ASB3: variants seen among roughly 807,000 people sequenced by gnomAD.
ASB3 encodes ankyrin repeat and SOCS box protein 3.
In ASB3, 41 loss-of-function variants were observed where a neutral mutation model predicts 54.5. The observed-to-expected ratio is 0.75, with a 90% CI of 0.59 to 0.98. The LOEUF is 0.98. Among genes scored for constraint, ASB3 ranks in the 50% least tolerant of loss-of-function variants. ASB3 has a pLI of 0.00. For synonymous variants in ASB3, 266 were observed against 221.2 expected (o/e 1.20, Z -1.80); for missense variants, 733 against 620.0 (o/e 1.18, Z -1.94).
At chr2:53,715,269 T>A (rs1186695688) in intron 6 of ASB3, among the ~76,000 whole-genome samples, 1 of 152,170 alleles carries the variant, frequency 6.6e-6, no homozygotes, top group African/African-American at 2.4e-5. Flanking sequence ...AAAAAAGGAC[T>A]ATTCTACCCT....
chr2:53,714,975 A>T (rs1302863397), intron 6 of ASB3, among the ~76,000 whole-genome samples: 1 of 152,158 alleles, frequency 6.6e-6, no homozygotes, highest in African/African-American at 2.4e-5. Flanking sequence ...GCATCAAGAA[A>T]ATGCACTATT....
At chr2:53,778,518 T>C (rs1387497810) in intron 1 of ASB3, among the ~76,000 whole-genome samples, 2 of 152,304 alleles carry the variant, frequency 1.3e-5, no homozygotes, top group Non-Finnish European at 2.9e-5. Context: ...TTCCTCCCCT[T>C]TGACTATCAT....
chr2:53,785,136 T>C (rs1411424764), intron 1 of ASB3, among the ~76,000 whole-genome samples: 1 of 152,252 alleles, frequency 6.6e-6, no homozygotes, highest in East Asian at 1.9e-4. Context: ...CAAGTCACAA[T>C]TCAAATGTCA....
chr2:53,710,273 T>C (rs1438767120), intron 7 of ASB3, among the ~76,000 whole-genome samples: 1 of 152,246 alleles, frequency 6.6e-6, no homozygotes, highest in Non-Finnish European at 1.5e-5. Context: ...TAATTTACTC[T>C]TTCCTATATC....
At chr2:53,673,270 A>G (rs1000782175) in intron 9 of ASB3, among the ~76,000 whole-genome samples, 5 of 152,186 alleles carry the variant, frequency 3.3e-5, no homozygotes, top group Non-Finnish European at 2.9e-5. Flanking sequence ...AATACTTACT[A>G]CACAACCAGA....
At chr2:53,681,017 A>G (rs2103664039) in intron 9 of ASB3, among the ~76,000 whole-genome samples, 1 of 152,272 alleles carries the variant, frequency 6.6e-6, no homozygotes, top group African/African-American at 2.4e-5. Flanking sequence ...TTTACTTACT[A>G]TAATGACCTC....
chr2:53,680,021 G>C (rs1437989789), intron 9 of ASB3, among the ~76,000 whole-genome samples: 1 of 152,106 alleles, frequency 6.6e-6, no homozygotes, highest in East Asian at 1.9e-4. Flanking sequence ...GCATTAGTTT[G>C]CTAAGGATAA....
chr2:53,750,771 T>C lies in ASB3; in HGVS notation c.355+12A>G, dbSNP rs370386828. The C allele has an allele frequency of 2.0e-5, 30 of 1,520,078 alleles. No individual in the cohort carries two copies. In the African/African-American group the frequency reaches 3.5e-4, roughly 18 times the overall value. 94.2% of individuals were successfully genotyped at this position (1,520,078 alleles called of 1,614,324 possible). ...TGAAAAATTGCATCTGCACCACAAA[T>C]AGCATACTTACCTAAAAACAATGGT... On this transcript the variant is annotated intron_variant, in intron 3 of 9. Transcript: ENST00000263634.
chr2:53,704,046 G>T (rs989222856), intron 7 of ASB3, among the ~76,000 whole-genome samples: 3 of 152,122 alleles, frequency 2.0e-5, no homozygotes, highest in African/African-American at 4.8e-5. Flanking sequence ...AGTGATATAG[G>T]AAATTCGTGT....
chr2:53,694,544 C>A (rs1012338456), intron 8 of ASB3: 3 of 152,090 alleles, frequency 2.0e-5, no homozygotes, highest in Non-Finnish European at 4.4e-5. Flanking sequence ...AACGATGTAA[C>A]AGAATAAGAC....
chr2:53,744,811 A>G (rs1170340092), intron 3 of ASB3, among the ~76,000 whole-genome samples: 1 of 152,258 alleles, frequency 6.6e-6, no homozygotes. Flanking sequence ...ATATGTCAGC[A>G]GAGTCAAAGT....
At chr2:53,701,544 A>G (rs1669495666) in intron 7 of ASB3, among the ~76,000 whole-genome samples, 1 of 152,236 alleles carries the variant, frequency 6.6e-6, no homozygotes, top group Admixed American at 6.5e-5. Flanking sequence ...TTTTAGAGCC[A>G]GATCTATGTT....
chr2:53,670,806 A>G, intron 9 of ASB3, 116 bp from the exon 10 acceptor site: 1 of 1,204,258 alleles, frequency 8.3e-7, no homozygotes, highest in Non-Finnish European at 1.1e-6. Context: ...TATTGCTTGA[A>G]AGAAGACTAC....
At chr2:53,732,043 C>T (rs1265845683) in intron 3 of ASB3, among the ~76,000 whole-genome samples, 2 of 152,026 alleles carry the variant, frequency 1.3e-5, no homozygotes, top group African/African-American at 4.8e-5. Context: ...CTGCAACCTC[C>T]CTGTCCTGGG....
intron 9 of ASB3, among the ~76,000 whole-genome samples, chr2:53,679,462 G>A (rs1198492741): frequency 2.6e-5 from 4 of 151,466 alleles, no homozygotes; most frequent in South Asian, 2.1e-4. Context: ...ATTTATCTCT[G>A]TCCAGCCCAT....
At chr2:53,760,414 C>T (rs557957284) in intron 2 of ASB3, among the ~76,000 whole-genome samples, 40 of 152,182 alleles carry the variant, frequency 2.6e-4, no homozygotes, top group African/African-American at 8.0e-4. Flanking sequence ...AGAAGGGAAC[C>T]GCCAAGCAGA....
chr2:53,670,744 G>T, intron 9 of ASB3, 54 bp from the exon 10 acceptor site: 1 of 1,541,088 alleles, frequency 6.5e-7, no homozygotes, highest in Non-Finnish European at 8.7e-7. Flanking sequence ...AGATGTAATA[G>T]CACATAAAGG....
At chr2:53,700,893 A>G (rs1669455087) in intron 7 of ASB3, among the ~76,000 whole-genome samples, 1 of 152,242 alleles carries the variant, frequency 6.6e-6, no homozygotes, top group Admixed American at 6.5e-5. Context: ...AACGTGATCA[A>G]TCCTTAAAAC....
chr2:53,725,683 C>A (rs139736052), intron 5 of ASB3, among the ~76,000 whole-genome samples: 42 of 152,158 alleles, frequency 2.8e-4, no homozygotes, highest in African/African-American at 9.4e-4. Flanking sequence ...ATCATCAAGA[C>A]GGAAAAGGCT....
Sources: allele counts gnomAD v4.1 joint callset (sites outside exome capture counted in the v4.1 genomes callset), GRCh38; gene constraint gnomAD v4.1.1; transcripts MANE v1.5; gene names NCBI Gene and HGNC (gene_info 2026-07-23, HGNC 2026-07-21).